DDX31: variants seen among roughly 807,000 people sequenced by gnomAD.
The protein encoded by DDX31 is DEAD-box helicase 31.
DDX31 carries 70 observed loss-of-function variants against 91.3 expected under a neutral mutation model. That is an observed-to-expected ratio of 0.77 (90% CI 0.63 to 0.94). The LOEUF (loss-of-function observed/expected upper bound fraction) is 0.94, where lower values mean the gene tolerates loss of function less well. DDX31 is among the 40% of genes least tolerant of loss of function. The probability of loss-of-function intolerance (pLI) is 0.00; values close to 1 mark genes in which losing one functional copy is unlikely to be tolerated. For synonymous variants in DDX31, 362 were observed against 350.6 expected (o/e 1.03, Z -0.36); for missense variants, 902 against 925.0 (o/e 0.98, Z 0.32).
At chr9:132,658,412 A>G (rs1369026924) in intron 6 of DDX31, 1 of 702,346 alleles carries the variant, frequency 1.4e-6, no homozygotes, top group Non-Finnish European at 2.6e-6. Flanking sequence ...GAACACATGC[A>G]AAGTATCATG....
At chr9:132,614,231 C>G (rs1033788650) in intron 18 of DDX31, among the ~76,000 whole-genome samples, 4 of 152,160 alleles carry the variant, frequency 2.6e-5, no homozygotes, top group African/African-American at 9.7e-5. Context: ...CTCCTTTTCC[C>G]AATCGATGAG....
intron 2 of DDX31, 46 bp from the exon 3 acceptor site, chr9:132,662,382 A>G: frequency 1.2e-6 from 2 of 1,613,982 alleles, no homozygotes; most frequent in Non-Finnish European, 1.7e-6. Context: ...CAATATTAAC[A>G]AAGAAAAGGC....
chr9:132,645,526 T>C (rs1225087561), intron 13 of DDX31, among the ~76,000 whole-genome samples: 2 of 152,116 alleles, frequency 1.3e-5, no homozygotes, highest in East Asian at 3.9e-4. Flanking sequence ...AATTACACAC[T>C]GGGTACTAAA....
At chr9:132,598,522 G>A (rs1023730814) in intron 19 of DDX31, among the ~76,000 whole-genome samples, 3 of 152,182 alleles carry the variant, frequency 2.0e-5, no homozygotes, top group Admixed American at 6.5e-5. Context: ...AGCAAGACAG[G>A]CAGATGCCAC....
intron 16 of DDX31, among the ~76,000 whole-genome samples, chr9:132,627,734 C>A (rs1337482119): frequency 6.6e-6 from 1 of 152,210 alleles, no homozygotes; most frequent in Non-Finnish European, 1.5e-5. Context: ...GCCCTGTCTG[C>A]TCCATTCAAC....
chr9:132,615,503 G>A (rs1232665009), intron 18 of DDX31, among the ~76,000 whole-genome samples: 2 of 151,826 alleles, frequency 1.3e-5, no homozygotes, highest in African/African-American at 4.9e-5. Context: ...TTGGTAAAGT[G>A]CCCAGCCTAG....
In DDX31 at chr9:132,609,267, T is replaced by A. The variant is rs572960106; in HGVS notation, c.1994+2820A>T. Among the ~76,000 whole-genome samples the A allele has an allele frequency of 3.3e-5, 5 of 152,162 alleles. 1 individual carries two copies. In the South Asian group the frequency reaches 1.0e-3, roughly 31 times the overall value. On this transcript the variant is annotated intron_variant, in intron 19 of 19. Transcript: ENST00000372159. The stretch of plus-strand genomic sequence containing the variant: ...AAAGGCTGCCCCATACCATCTTACA[T>A]GCTCTTTATCAGCTAATCAGCCCAT...
In DDX31 at chr9:132,652,506, G is replaced by GA; in HGVS notation, c.589-15dup. 2.5e-6 allele frequency: 4 copies of GA among 1,613,326 alleles called. No individual in the cohort carries two copies. The highest frequency in any genetic ancestry group is 1.3e-5 in the African/African-American group (1 of 74,970). On this transcript the variant is annotated splice_polypyrimidine_tract_variant and intron_variant, in intron 6 of 19. Transcript: ENST00000372159. ...GCCATCACTGCGCTGTTGACACACA[G>GA]AAAAAAAATGCCATGAGCAGGATAA...
intron 19 of DDX31, among the ~76,000 whole-genome samples, chr9:132,608,400 T>C (rs1199901328): frequency 1.3e-5 from 2 of 152,174 alleles, no homozygotes; most frequent in African/African-American, 4.8e-5. Flanking sequence ...GGCCACGAAC[T>C]ATTTATTTTT....
chr9:132,595,329 G>A lies in DDX31; in HGVS notation c.1995-217C>T, dbSNP rs3739911. ...TTCATAACAGCGGCAAAATATCATGGCATTTTTAAAAGTGAGGCTTTGTTC... is the reference window on the plus strand; with the variant it reads ...TTCATAACAGCGGCAAAATATCATGACATTTTTAAAAGTGAGGCTTTGTTC... On this transcript the variant is annotated intron_variant, in intron 19 of 19. Transcript: ENST00000372159. The surrounding 1 kb of genome is among the most constrained non-coding windows in gnomAD (Gnocchi z 4.6). 4.9e-4 allele frequency among the ~76,000 whole-genome samples: 75 copies of A among 152,264 alleles called. 1 individual carries two copies. The East Asian group carries it at 0.013, about 26-fold the overall frequency.
intron 1 of DDX31, among the ~76,000 whole-genome samples, chr9:132,664,665 C>T (rs1477512394): frequency 1.3e-5 from 2 of 148,704 alleles, no homozygotes; most frequent in East Asian, 2.0e-4. Flanking sequence ...GTCGTGATGA[C>T]GCCATGATGC....
At chr9:132,610,765 C>T (rs904674965) in intron 19 of DDX31, among the ~76,000 whole-genome samples, 1 of 152,094 alleles carries the variant, frequency 6.6e-6, no homozygotes, top group Admixed American at 6.5e-5. Context: ...GATTTTGATT[C>T]TCAAGACAAT....
chr9:132,664,865 G>A (rs1017164085), intron 1 of DDX31, among the ~76,000 whole-genome samples: 5 of 151,790 alleles, frequency 3.3e-5, no homozygotes, highest in Admixed American at 1.3e-4. Flanking sequence ...CTCCTCCTTT[G>A]CACATGCTAC....
intron 14 of DDX31, among the ~76,000 whole-genome samples, chr9:132,634,371 C>A (rs1410574550): frequency 1.3e-5 from 2 of 152,170 alleles, no homozygotes; most frequent in African/African-American, 4.8e-5. Context: ...CCCACGCACA[C>A]ACACACATAT....
At position 132,612,028 on chromosome 9, in the gene DDX31, T is replaced by A. The variant is rs533131295; in HGVS notation, c.1994+59A>T. The A allele has an allele frequency of 2.5e-6, 4 of 1,568,786 alleles. No homozygotes were observed. The South Asian group carries it at 4.8e-5, about 19-fold the overall frequency. On this transcript the variant is annotated intron_variant, in intron 19 of 19. Coordinates refer to ENST00000372159, the MANE Select transcript of DDX31 (RefSeq NM_022779.9). ...TGCGGTGAGCATGGCAGCTAGCACA[T>A]CACATCATGTGAACGGAGCTCTCTA... is the stretch of plus-strand genomic sequence containing the variant.
chr9:132,626,576 G>A (rs1832407051), intron 16 of DDX31, among the ~76,000 whole-genome samples: 1 of 152,116 alleles, frequency 6.6e-6, no homozygotes, highest in Non-Finnish European at 1.5e-5. Context: ...GAAACAGAAA[G>A]AGAAGAAGGA....
chr9:132,634,592 T>TG (rs1286717123), intron 14 of DDX31, among the ~76,000 whole-genome samples: 1 of 149,720 alleles, frequency 6.7e-6, no homozygotes, highest in African/African-American at 2.4e-5. Context: ...GATGTTTTTT[T>TG]TTTTTTTTTT....
intron 17 of DDX31, among the ~76,000 whole-genome samples, chr9:132,623,018 T>G (rs1157754361): frequency 6.6e-6 from 1 of 151,412 alleles, no homozygotes; most frequent in Non-Finnish European, 1.5e-5. Context: ...GTAATCGAGC[T>G]ACTTGGGAGG....
intron 7 of DDX31, 130 bp downstream of exon 7, chr9:132,652,318 T>G: frequency 9.8e-7 from 1 of 1,023,974 alleles, no homozygotes. Flanking sequence ...AAGGATGGTT[T>G]CCAGGCAAAT....
Sources: allele counts gnomAD v4.1 joint callset (sites outside exome capture counted in the v4.1 genomes callset), GRCh38; gene constraint gnomAD v4.1.1; non-coding constraint Gnocchi (gnomAD v3.1); transcripts MANE v1.5; gene names NCBI Gene and HGNC (gene_info 2026-07-23, HGNC 2026-07-21).